PKM: variants seen among roughly 807,000 people sequenced by gnomAD.
The protein encoded by PKM is pyruvate kinase M1/2, also known as pyruvate kinase PKM.
A neutral mutation model predicts 49.8 loss-of-function variants in PKM; 18 were observed. The observed-to-expected ratio is 0.36, with a 90% confidence interval of 0.25 to 0.54. The LOEUF (loss-of-function observed/expected upper bound fraction) is 0.54, where lower values mean the gene tolerates loss of function less well. Among genes scored for constraint, PKM ranks in the 20% least tolerant of loss-of-function variants. The probability of loss-of-function intolerance (pLI) is 0.89; values close to 1 mark genes in which losing one functional copy is unlikely to be tolerated. For missense variants in PKM, 508 were observed against 713.8 expected, an observed-to-expected ratio of 0.71 and a Z score of 3.28; for synonymous variants, 239 against 261.8, an observed-to-expected ratio of 0.91 and a Z score of 0.84.
chr15:72,199,885 A>G, intron 10 of PKM, 129 bp from the exon 11 acceptor site: 1 of 710,158 alleles, frequency 1.4e-6, no homozygotes, highest in East Asian at 2.7e-5. Flanking sequence ...ACAAGGTGGC[A>G]CCAAACTCAC....
intron 4 of PKM, 117 bp from the exon 5 acceptor site, chr15:72,209,976 T>A: frequency 1.1e-6 from 1 of 874,396 alleles, no homozygotes; most frequent in Non-Finnish European, 1.9e-6. Flanking sequence ...CTGCTAAAAG[T>A]AATACAGTTT....
intron 3 of PKM, among the ~76,000 whole-genome samples, chr15:72,212,819 C>A (rs1184945625): frequency 1.3e-5 from 2 of 152,166 alleles, no homozygotes; most frequent in African/African-American, 4.8e-5. Flanking sequence ...CGCCTGTAAT[C>A]CCAGCACTTT....
At position 72,200,812 on chromosome 15, in the gene PKM, C is replaced by A. The variant is rs2081927099; in HGVS notation, c.1308-157G>T. The A allele has an allele frequency of 1.1e-5, 7 of 625,218 alleles. No homozygotes were observed. In the East Asian group the frequency reaches 1.9e-4, roughly 17 times the overall value. 38.7% of individuals were successfully genotyped at this position (625,218 alleles called of 1,614,324 possible). A position where few individuals can be genotyped will look rare whatever the true frequency, so the allele number is the denominator to read the frequency against. ...AGGACCCCTCCCGAGGCTCGGGCAG[C>A]CCCTCATCCTATATCCCCCACAGCA... is the stretch of plus-strand genomic sequence containing the variant. On this transcript the variant is annotated intron_variant, in intron 9 of 10. Coordinates refer to ENST00000335181, the MANE Select transcript of PKM (RefSeq NM_002654.6). This position sits in a 1 kb window ranked among gnomAD's most constrained non-coding sequence, Gnocchi z 4.6.
upstream of PKM, chr15:72,231,440 G>A (rs2082870944): frequency 6.6e-6 from 1 of 152,500 alleles, no homozygotes; most frequent in Non-Finnish European, 1.5e-5. Context: ...GAAACCTGAT[G>A]ACCAATGGGG....
chr15:72,201,970 A>C, intron 9 of PKM: 1 of 214,952 alleles, frequency 4.7e-6, no homozygotes, highest in East Asian at 1.3e-4. Flanking sequence ...CCAAGATAGC[A>C]CAGCAACCTC....
intron 1 of PKM, among the ~76,000 whole-genome samples, chr15:72,226,390 C>T (rs1032290285): frequency 4.6e-5 from 7 of 151,974 alleles, no homozygotes; most frequent in African/African-American, 9.7e-5. Context: ...ATCAGCCAGG[C>T]GTGGTTGCGG....
rs754812616 is a variant in PKM at position 72,209,798 on chromosome 15, G to A, written c.440C>T (p.Ala147Val). ...GTTCTCGTCACACTTTTCCATGTAG[G>A]CGTTATCCAGCGTGATTTTGAGAGT... ...GATLKITLDN[A>V]YMEKCDENIL... The change falls in exon 5 of 11, where the codon GCC (alanine) becomes GTC (valine). Residue 147 changes from alanine (A) to valine (V), a missense_variant. Ala to Val is a moderately conservative substitution (Grantham distance 64). Transcript: ENST00000335181. 1 of 1,613,962 alleles carries A rather than the reference G, an allele frequency of 6.2e-7. No homozygotes were observed. Among genetic ancestry groups the A allele is most frequent in the Non-Finnish European group, 8.5e-7 (1 of 1,179,958 alleles).
At chr15:72,221,668 T>C (rs1419084615) in intron 1 of PKM, among the ~76,000 whole-genome samples, 2 of 152,162 alleles carry the variant, frequency 1.3e-5, no homozygotes, top group Non-Finnish European at 2.9e-5. Flanking sequence ...TTTATATGCA[T>C]CCTATAAAAT....
chr15:72,217,402 A>C lies in PKM; in HGVS notation c.246+7T>G, dbSNP rs529622400. Reference sequence around the variant, plus strand: ...CACAATGGCCATAGGGTCCAGCCACAGCTCACCTCATGAGTTCCATGAGAG... The same window carrying C: ...CACAATGGCCATAGGGTCCAGCCACCGCTCACCTCATGAGTTCCATGAGAG... On this transcript the variant is annotated splice_region_variant and intron_variant, in intron 3 of 10. Coordinates refer to ENST00000335181, the MANE Select transcript of PKM (RefSeq NM_002654.6). 46 of 1,582,338 alleles carry C rather than the reference A, an allele frequency of 2.9e-5. 2 individuals carry two copies. In the South Asian group the frequency reaches 5.0e-4, roughly 17 times the overall value.
At chr15:72,212,173 G>T (rs949519775) in intron 3 of PKM, among the ~76,000 whole-genome samples, 2 of 152,092 alleles carry the variant, frequency 1.3e-5, no homozygotes, top group African/African-American at 4.8e-5. Context: ...AATAGAAATA[G>T]AACAAAATAG....
At chr15:72,211,213 G>A (rs1317529745) in intron 3 of PKM, among the ~76,000 whole-genome samples, 2 of 151,882 alleles carry the variant, frequency 1.3e-5, no homozygotes, top group African/African-American at 4.8e-5. Flanking sequence ...GACTGCAGGC[G>A]CCCACCACCA....
Position 72,200,693 on chromosome 15 carries a change from C to T in PKM, c.1308-38G>A, listed in dbSNP as rs560965041. On this transcript the variant is annotated intron_variant, in intron 9 of 10. Coordinates refer to ENST00000335181, the MANE Select transcript of PKM (RefSeq NM_002654.6). The surrounding 1 kb of genome is among the most constrained non-coding windows in gnomAD (Gnocchi z 4.6). Reference sequence around the variant, plus strand: ...GGGGGACATACAGAAGAGACCATTACACGAGGCCCCAGGAAGTACCCTCAG... The same window carrying T: ...GGGGGACATACAGAAGAGACCATTATACGAGGCCCCAGGAAGTACCCTCAG... 2 of 1,570,650 alleles carry T rather than the reference C, an allele frequency of 1.3e-6. No homozygotes were observed. Among genetic ancestry groups the T allele is most frequent in the South Asian group, 2.3e-5 (2 of 88,412 alleles).
chr15:72,225,400 T>C (rs953487928), intron 1 of PKM, among the ~76,000 whole-genome samples: 2 of 152,140 alleles, frequency 1.3e-5, no homozygotes, highest in African/African-American at 4.8e-5. Flanking sequence ...CAGGCTGGTC[T>C]CGACCTCCTG....
chr15:72,226,894 AC>A (rs2082686146), intron 1 of PKM, among the ~76,000 whole-genome samples: 1 of 152,208 alleles, frequency 6.6e-6, no homozygotes, highest in South Asian at 2.1e-4. Flanking sequence ...ACAAGCACAA[AC>A]CACTGCAGGG....
rs1380750089 is a variant in PKM, at chr15:72,208,805, A to G, written c.652T>C (p.Leu218=). 5 of 1,614,016 alleles carry G rather than the reference A, an allele frequency of 3.1e-6. No individual in the cohort carries two copies. Among genetic ancestry groups the G allele is most frequent in the East Asian group, 2.2e-5 (1 of 44,870 alleles). Residue 218 remains leucine (L), a synonymous_variant, in exon 6 of 11, where the codon TTG becomes CTG. Transcript: ENST00000335181. The part of the protein sequence containing the change: ...GVNLPGAAVD[L]PAVSEKDIQD... ...ATGTCCTTCTCCGACACAGCAGGCAAGTCCACAGCAGCCCCAGGAAGGTTC... is the reference window on the plus strand; with the variant it reads ...ATGTCCTTCTCCGACACAGCAGGCAGGTCCACAGCAGCCCCAGGAAGGTTC...
chr15:72,201,044 G>C (rs570739718), intron 9 of PKM: 125 of 199,146 alleles, frequency 6.3e-4, no homozygotes, highest in Non-Finnish European at 1.1e-3. Context: ...ACAGTGACAA[G>C]CCAAGCAGCA....
In PKM at chr15:72,199,563, G is replaced by A. The variant is rs1176727215; in HGVS notation, c.*87C>T. ...CCTACCAGTGCCACGTTACAGCCCA[G>A]AGTGAGTTCTACAAGCGTTGCTGGC... On this transcript the variant is annotated 3_prime_UTR_variant, in exon 11 of 11. Coordinates refer to ENST00000335181, the MANE Select transcript of PKM (RefSeq NM_002654.6). The A allele has an allele frequency of 1.1e-6, 1 of 901,146 alleles. No individual in the cohort carries two copies. The highest frequency in any genetic ancestry group is 1.9e-5 in the Admixed American group (1 of 53,942). 55.8% of individuals were successfully genotyped at this position (901,146 alleles called of 1,614,324 possible).
chr15:72,220,963 C>A (rs978701452), intron 1 of PKM, among the ~76,000 whole-genome samples: 15 of 152,198 alleles, frequency 9.9e-5, no homozygotes, highest in Admixed American at 9.8e-4. Context: ...GCACATCAGG[C>A]CAACTGGAAC....
intron 3 of PKM, among the ~76,000 whole-genome samples, chr15:72,215,333 C>G (rs1018417466): frequency 6.6e-6 from 1 of 152,128 alleles, no homozygotes; most frequent in Admixed American, 6.5e-5. Flanking sequence ...AAAGTACGCC[C>G]CAGCCCCTAG....
Sources: gnomAD v4.1 joint callset for allele counts (sites outside exome capture counted in the v4.1 genomes callset) on GRCh38, gnomAD v4.1.1 for gene constraint, Gnocchi (gnomAD v3.1) non-coding constraint, MANE v1.5 for transcripts, NCBI Gene and HGNC (gene_info 2026-07-23, HGNC 2026-07-21) for gene names.